Variants in MUTYH observed in about 807,000 individuals in gnomAD.
MUTYH encodes mutY DNA glycosylase.
MUTYH carries 64 observed loss-of-function variants against 72.9 expected under a neutral mutation model. That is an observed-to-expected ratio of 0.88 (90% CI 0.72 to 1.08). The LOEUF (loss-of-function observed/expected upper bound fraction) is 1.08, where lower values mean the gene tolerates loss of function less well. MUTYH is among the 50% of genes least tolerant of loss of function. MUTYH has a pLI of 0.00. For synonymous variants in MUTYH, 234 were observed against 263.1 expected, an observed-to-expected ratio of 0.89 and a Z score of 1.07; for missense variants, 633 against 671.0, an observed-to-expected ratio of 0.94 and a Z score of 0.63.
upstream of MUTYH, chr1:45,340,431 A>G (rs567826303): frequency 1.0e-3 from 1,557 of 1,521,612 alleles, 1 homozygote; most frequent in Non-Finnish European, 9.5e-4. Context: ...ACTAGCCACG[A>G]GGAGACTACA....
At chr1:45,331,977 G>T in intron 11 of MUTYH, 46 bp downstream of exon 11, 1 of 1,613,802 alleles carries the variant, frequency 6.2e-7, no homozygotes, top group South Asian at 1.1e-5. Flanking sequence ...TGGGGCTTCT[G>T]ACTGGGCCAG....
At chr1:45,331,979 C>T (rs1644969064) in intron 11 of MUTYH, 44 bp downstream of exon 11, 1 of 1,613,974 alleles carries the variant, frequency 6.2e-7, no homozygotes, top group East Asian at 2.2e-5. Context: ...GGGCTTCTGA[C>T]TGGGCCAGGA....
intron 1 of MUTYH, among the ~76,000 whole-genome samples, chr1:45,335,655 G>C (rs1217726758): frequency 6.6e-6 from 1 of 151,964 alleles, no homozygotes; most frequent in African/African-American, 2.4e-5. Flanking sequence ...CCAGGAGTTC[G>C]AGACCAGCCT....
At chr1:45,337,551 A>T in intron 1 of MUTYH, among the ~76,000 whole-genome samples, 1 of 149,694 alleles carries the variant, frequency 6.7e-6, no homozygotes. Flanking sequence ...TCTTTTTTAA[A>T]TACTGTAGGC....
chr1:45,337,070 T>C (rs1645998288), intron 1 of MUTYH, among the ~76,000 whole-genome samples: 1 of 151,638 alleles, frequency 6.6e-6, no homozygotes, highest in Non-Finnish European at 1.5e-5. Context: ...CATTCTACAA[T>C]CTATTCTCCA....
At chr1:45,329,777 G>T in intron 15 of MUTYH, 1 of 292,090 alleles carries the variant, frequency 3.4e-6, no homozygotes, top group South Asian at 4.8e-5. Context: ...ACTGCAGCCT[G>T]CACTGGGCTC....
chr1:45,333,371 T>G (rs2149170845), intron 3 of MUTYH, 42 bp downstream of exon 3: 1 of 1,613,798 alleles, frequency 6.2e-7, no homozygotes, highest in Non-Finnish European at 8.5e-7. Flanking sequence ...GGGGGCTGGG[T>G]GCCTGCCTCC....
intron 2 of MUTYH, chr1:45,333,982 A>G (rs1645464371): frequency 2.6e-6 from 1 of 379,402 alleles, no homozygotes; most frequent in Non-Finnish European, 5.0e-6. Context: ...GTCACACAGC[A>G]ATACAGTCAG....
intron 5 of MUTYH, 33 bp from the exon 6 acceptor site, chr1:45,332,992 T>C (rs766546604): frequency 1.2e-6 from 2 of 1,613,934 alleles, no homozygotes; most frequent in South Asian, 2.2e-5. Context: ...AGAGACAAGG[T>C]CAAGGGTGAA....
intron 14 of MUTYH, 47 bp downstream of exon 14, chr1:45,331,135 C>T: frequency 6.2e-7 from 1 of 1,610,688 alleles, no homozygotes; most frequent in African/African-American, 1.3e-5. Context: ...TCATGTAGAA[C>T]ATGTAGGAAA....
chr1:45,330,434 C>G, intron 15 of MUTYH, 82 bp downstream of exon 15: 1 of 1,426,190 alleles, frequency 7.0e-7, no homozygotes, highest in Non-Finnish European at 9.7e-7. Flanking sequence ...AATGTTCACC[C>G]AGACATTCGT....
Position 45,331,810 on chromosome 1 carries a change from G to A in MUTYH, c.953C>T (p.Ser318Leu), listed in dbSNP as rs587778538. Residue 318 changes from serine (S) to leucine (L), a missense_variant, in exon 12 of 16, where the codon TCG becomes TTG. Ser to Leu is a moderately radical substitution (Grantham distance 145, BLOSUM62 -2). Transcript: ENST00000456914. Reference sequence around the variant, plus strand: ...TCCCAGGGTCTGGTCCCAGGGCTCCGAGGGAGGCAGGCACAGGTGGCACTG... The same window carrying A: ...TCCCAGGGTCTGGTCCCAGGGCTCCAAGGGAGGCAGGCACAGGTGGCACTG... ...TGQCHLCLPPSEPWDQTLGVV... is the reference protein window; with the variant it reads ...TGQCHLCLPPLEPWDQTLGVV... 3.5e-5 allele frequency: 56 copies of A among 1,609,824 alleles called. No individual in the cohort carries two copies. In the South Asian group the frequency reaches 4.5e-4, roughly 13 times the overall value.
intron 1 of MUTYH, 63 bp downstream of exon 1, chr1:45,339,836 C>T (rs1646688577): frequency 7.5e-7 from 1 of 1,327,282 alleles, no homozygotes; most frequent in African/African-American, 1.5e-5. Context: ...GTGCTTTAAG[C>T]TCAGCTCAGG....
At chr1:45,340,184 A>C (rs1346355204), upstream of MUTYH, 6 of 1,612,790 alleles carry the variant, frequency 3.7e-6, no homozygotes, top group Non-Finnish European at 5.1e-6. Context: ...GACTGCCTGA[A>C]CCGCGCCAGG....
chr1:45,340,208 G>C (rs2275602), upstream of MUTYH: 13 of 1,613,642 alleles, frequency 8.1e-6, no homozygotes, highest in South Asian at 1.1e-5. Context: ...CGGACCGCAA[G>C]TCCAGCGTAC....
chr1:45,330,688 G>A (rs1015001979), intron 14 of MUTYH, 131 bp from the exon 15 acceptor site: 12 of 1,112,086 alleles, frequency 1.1e-5, no homozygotes, highest in Admixed American at 6.0e-5. Context: ...GGTGGCTCAC[G>A]CCTATAATCC....
At chr1:45,338,761 T>G (rs1202300500) in intron 1 of MUTYH, 1 of 159,612 alleles carries the variant, frequency 6.3e-6, no homozygotes, top group Non-Finnish European at 1.4e-5. Flanking sequence ...TTTTGTTTGT[T>G]TGTTTTGTTT....
chr1:45,335,550 T>C (rs1645749848), intron 1 of MUTYH, among the ~76,000 whole-genome samples: 1 of 151,902 alleles, frequency 6.6e-6, no homozygotes, highest in Non-Finnish European at 1.5e-5. Context: ...CGTCTAACTG[T>C]TGGAACTCAG....
At chr1:45,336,386 T>C (rs1431931700) in intron 1 of MUTYH, among the ~76,000 whole-genome samples, 1 of 152,226 alleles carries the variant, frequency 6.6e-6, no homozygotes, top group African/African-American at 2.4e-5. Flanking sequence ...TAAGCCATCA[T>C]ATCCTCAGTA....
Sources: allele counts gnomAD v4.1 joint callset (sites outside exome capture counted in the v4.1 genomes callset), GRCh38; gene constraint gnomAD v4.1.1; transcripts MANE v1.5; gene names NCBI Gene and HGNC (gene_info 2026-07-23, HGNC 2026-07-21).